Variants in TUBA4B observed in about 807,000 individuals in gnomAD.
TUBA4B encodes tubulin alpha 4b, also known as tubulin-like protein alpha-4B.
Under a neutral mutation model 18.4 loss-of-function variants are expected in TUBA4B, and 13 were observed. That is an observed-to-expected ratio of 0.71 (90% CI 0.46 to 1.12). The LOEUF is 1.12. Ranked by LOEUF, TUBA4B falls within the 50% of genes most tolerant of loss-of-function variation. The pLI is 0.00. For missense variants in TUBA4B, 244 were observed against 250.0 expected, an observed-to-expected ratio of 0.98 and a Z score of 0.16; for synonymous variants, 101 against 99.1, an observed-to-expected ratio of 1.02 and a Z score of -0.11.
Position 219,266,585 on chromosome 2 carries a change from G to T in TUBA4B, c.58+19G>T. On this transcript the variant is annotated intron_variant, in intron 2 of 3. Coordinates refer to ENST00000490341, the MANE Select transcript of TUBA4B (RefSeq NM_001355221.1). Reference sequence around the variant, plus strand: ...CAGCATGGTGAGTAGAAGGGGCCTTGGGGGGACTGAGCATGCAAGTGAGGG... The same window carrying T: ...CAGCATGGTGAGTAGAAGGGGCCTTTGGGGGACTGAGCATGCAAGTGAGGG... 1.4e-6 allele frequency: 1 copy of T among 702,760 alleles called. No individual in the cohort carries two copies. Among genetic ancestry groups the T allele is most frequent in the South Asian group, 1.5e-5 (1 of 67,584 alleles). The allele number at this position is 702,760 out of a possible 1,614,324, so 43.5% of individuals were successfully genotyped here. A position where few individuals can be genotyped will look rare whatever the true frequency, so the allele number is the denominator to read the frequency against.
At chr2:219,253,879 C>G (rs200129330) in intron 1 of TUBA4B, 88 of 1,446,100 alleles carry the variant, frequency 6.1e-5, no homozygotes, top group Non-Finnish European at 7.6e-5. Flanking sequence ...GGCGGTGCGT[C>G]TCACGTTGAG....
chr2:219,253,446 C>G, intron 1 of TUBA4B, 27 bp downstream of exon 1: 1 of 1,474,750 alleles, frequency 6.8e-7, no homozygotes, highest in East Asian at 2.5e-5. Flanking sequence ...CACCTTCTAG[C>G]GCCAAGCACG....
Position 219,271,864 on chromosome 2 carries a change from C to T in TUBA4B, c.*165C>T, listed in dbSNP as rs1467607777. 1.4e-5 allele frequency: 21 copies of T among 1,483,866 alleles called. No individual in the cohort carries two copies. The highest frequency in any genetic ancestry group is 2.0e-5 in the Non-Finnish European group (21 of 1,061,792). 91.9% of individuals were successfully genotyped at this position (1,483,866 alleles called of 1,614,324 possible). A position where few individuals can be genotyped will look rare whatever the true frequency, so the allele number is the denominator to read the frequency against. ...CTTTAAGGTTGATATCAATCACCAGCCTCCCACTGTGGTGCCTGGGAGTGA... is the reference window on the plus strand; with the variant it reads ...CTTTAAGGTTGATATCAATCACCAGTCTCCCACTGTGGTGCCTGGGAGTGA... On this transcript the variant is annotated 3_prime_UTR_variant, in exon 4 of 4. Transcript: ENST00000490341.
chr2:219,253,954 G>C, intron 1 of TUBA4B: 2 of 1,185,964 alleles, frequency 1.7e-6, no homozygotes, highest in Middle Eastern at 3.1e-4. Flanking sequence ...TATAGGCGGG[G>C]GGGGGGCGGG....
chr2:219,264,317 AG>A (rs1353447863), intron 1 of TUBA4B, among the ~76,000 whole-genome samples: 2 of 152,008 alleles, frequency 1.3e-5, no homozygotes, highest in Non-Finnish European at 2.9e-5. Context: ...AAAATTAGCC[AG>A]GCGTGGTGGC....
At chr2:219,253,802 C>A (rs959276422) in intron 1 of TUBA4B, 11 of 1,537,704 alleles carry the variant, frequency 7.2e-6, no homozygotes, top group Non-Finnish European at 9.6e-6. Context: ...AAGTGTCCCC[C>A]AAAGGAGAGG....
rs1574895173 is a variant in TUBA4B, at chr2:219,271,077, T to C, written c.193-89T>C. The stretch of plus-strand genomic sequence containing the variant: ...AGTCTTCCAAGGAGTTCATGAAACT[T>C]TTGGGAATTTAAAACAGCACAAGTT... On this transcript the variant is annotated intron_variant, in intron 3 of 3. Coordinates refer to ENST00000490341, the MANE Select transcript of TUBA4B (RefSeq NM_001355221.1). 1.4e-4 allele frequency: 84 copies of C among 618,148 alleles called. 2 individuals are homozygous for C. The highest frequency in any genetic ancestry group is 1.3e-3 in the South Asian group (65 of 51,340). The allele number at this position is 618,148 out of a possible 1,614,324, so 38.3% of individuals were successfully genotyped here.
chr2:219,262,171 C>T (rs541041750), intron 1 of TUBA4B, among the ~76,000 whole-genome samples: 74 of 152,224 alleles, frequency 4.9e-4, no homozygotes, highest in African/African-American at 1.6e-3. Flanking sequence ...ATTAGCCTGG[C>T]GTGGTGGTGG....
intron 1 of TUBA4B, among the ~76,000 whole-genome samples, chr2:219,265,327 G>A (rs1951783610): frequency 6.6e-6 from 1 of 152,162 alleles, no homozygotes; most frequent in East Asian, 1.9e-4. Context: ...AAGGAGGTAC[G>A]GAGAGAAGGT....
intron 1 of TUBA4B, among the ~76,000 whole-genome samples, chr2:219,264,459 CA>C (rs36027298): frequency 0.13 from 10,051 of 78,790 alleles, 685 homozygotes; most frequent in African/African-American, 0.29. Context: ...GGCCCTGTCT[CA>C]AAAAAAAAAA....
intron 1 of TUBA4B, 62 bp from the exon 2 acceptor site, chr2:219,266,459 G>A: frequency 1.5e-6 from 1 of 681,568 alleles, no homozygotes; most frequent in Non-Finnish European, 2.7e-6. Context: ...GCGAGTATAA[G>A]GAGGAGGCTG....
At chr2:219,269,028 C>T (rs1022544215) in intron 2 of TUBA4B, among the ~76,000 whole-genome samples, 1 of 152,070 alleles carries the variant, frequency 6.6e-6, no homozygotes, top group Non-Finnish European at 1.5e-5. Context: ...CCCAGGAGTC[C>T]AAGACTGCTG....
intron 1 of TUBA4B, among the ~76,000 whole-genome samples, chr2:219,255,731 C>T (rs988207657): frequency 4.6e-5 from 7 of 152,166 alleles, no homozygotes; most frequent in African/African-American, 7.2e-5. Flanking sequence ...GCCCCAGGTG[C>T]TGCTGGTTTG....
intron 2 of TUBA4B, among the ~76,000 whole-genome samples, chr2:219,268,498 G>T (rs1036479079): frequency 4.6e-5 from 7 of 152,192 alleles, no homozygotes; most frequent in Non-Finnish European, 8.8e-5. Flanking sequence ...TAGGCAGTGG[G>T]CCAGGCACTT....
intron 1 of TUBA4B, among the ~76,000 whole-genome samples, chr2:219,264,474 A>G (rs566876907): frequency 1.3e-5 from 2 of 152,076 alleles, no homozygotes; most frequent in African/African-American, 4.8e-5. Flanking sequence ...AAAAAAAAAA[A>G]AAGAACAATA....
At chr2:219,265,760 C>G (rs531913392) in intron 1 of TUBA4B, among the ~76,000 whole-genome samples, 1 of 152,294 alleles carries the variant, frequency 6.6e-6, no homozygotes, top group African/African-American at 2.4e-5. Flanking sequence ...CAGGCTAGAG[C>G]AGCAGTGACT....
intron 1 of TUBA4B, among the ~76,000 whole-genome samples, chr2:219,264,422 T>C (rs1574892675): frequency 2.0e-5 from 3 of 147,514 alleles, no homozygotes; most frequent in African/African-American, 7.6e-5. Flanking sequence ...ATCATGCCAC[T>C]GCACTCCAGC....
At chr2:219,253,908 G>A (rs1426661035) in intron 1 of TUBA4B, 4 of 1,402,650 alleles carry the variant, frequency 2.9e-6, no homozygotes, top group East Asian at 2.9e-5. Flanking sequence ...ACAGGTCTCA[G>A]TGAGAACTGC....
Position 219,271,925 on chromosome 2 carries a change from C to T in TUBA4B, c.*226C>T. ...TGCAACGTGCCATGTGCATGCTGAG[C>T]AACATGACAGCCATCACTATGGCCT... On this transcript the variant is annotated 3_prime_UTR_variant, in exon 4 of 4. Transcript: ENST00000490341. The T allele has an allele frequency of 6.9e-7, 1 of 1,451,974 alleles. No individual in the cohort carries two copies. Among genetic ancestry groups the T allele is most frequent in the Non-Finnish European group, 9.7e-7 (1 of 1,032,590 alleles). The allele number at this position is 1,451,974 out of a possible 1,614,324, so 89.9% of individuals were successfully genotyped here.
Sources: allele counts gnomAD v4.1 joint callset (sites outside exome capture counted in the v4.1 genomes callset), GRCh38; gene constraint gnomAD v4.1.1; transcripts MANE v1.5; gene names NCBI Gene and HGNC (gene_info 2026-07-23, HGNC 2026-07-21).